Variants in ALDH1A2 observed in about 807,000 individuals in gnomAD.
ALDH1A2 encodes retinal dehydrogenase 2.
In ALDH1A2, 27 loss-of-function variants were observed where a neutral mutation model predicts 60.3. That is an observed-to-expected ratio of 0.45 (90% CI 0.33 to 0.62). ALDH1A2 has a LOEUF of 0.62. Ranked by LOEUF, ALDH1A2 falls within the 20% of genes least tolerant of loss-of-function variation. The pLI is 0.02. For synonymous variants in ALDH1A2, 289 were observed against 232.4 expected, an observed-to-expected ratio of 1.24 and a Z score of -2.21; for missense variants, 581 against 643.8, an observed-to-expected ratio of 0.90 and a Z score of 1.06.
At position 58,015,445 on chromosome 15, in the gene ALDH1A2, C is replaced by G. The variant is rs1304838487; in HGVS notation, c.118-1164G>C. 3.3e-5 allele frequency among the ~76,000 whole-genome samples: 5 copies of G among 152,086 alleles called. No individual in the cohort carries two copies. In the East Asian group the frequency reaches 7.7e-4, roughly 23 times the overall value. On this transcript the variant is annotated intron_variant, in intron 1 of 12. Coordinates refer to ENST00000249750, the MANE Select transcript of ALDH1A2 (RefSeq NM_003888.4). ...AGGATTTTTAAGATAAAGGAAAATA[C>G]CTTAAATTTGTAGAGCACTTAACAC...
intron 4 of ALDH1A2, among the ~76,000 whole-genome samples, chr15:57,995,930 G>A (rs1895046614): frequency 2.0e-5 from 3 of 152,028 alleles, no homozygotes; most frequent in Admixed American, 1.3e-4. Context: ...TATTTTAAAT[G>A]GTTAATTAAA....
At chr15:58,015,011 T>C (rs1895750187) in intron 1 of ALDH1A2, among the ~76,000 whole-genome samples, 1 of 152,188 alleles carries the variant, frequency 6.6e-6, no homozygotes, top group African/African-American at 2.4e-5. Context: ...AGTCAATTTC[T>C]CACAAGATTT....
At chr15:57,977,226 C>G (rs1280443663) in intron 7 of ALDH1A2, among the ~76,000 whole-genome samples, 3 of 151,910 alleles carry the variant, frequency 2.0e-5, no homozygotes, top group Non-Finnish European at 2.9e-5. Flanking sequence ...ATGATAGTTT[C>G]TTTTGCTGTG....
At position 57,992,794 on chromosome 15, in the gene ALDH1A2, T is replaced by G; in HGVS notation, c.709A>C (p.Asn237His). The change falls in exon 7 of 13, where the codon AAT (asparagine) becomes CAT (histidine). Residue 237 changes from asparagine to histidine, a missense_variant. Asn to His is a moderately conservative substitution (Grantham distance 68). Transcript: ENST00000249750. The part of the protein sequence containing the change: ...KEAGFPPGVI[N>H]ILPGYGPTAG... Reference sequence around the variant, plus strand: ...GTTGGCCCATATCCTGGCAAAATATTGATGACCCCGGGAGGAAAGCCAGCC... The same window carrying G: ...GTTGGCCCATATCCTGGCAAAATATGGATGACCCCGGGAGGAAAGCCAGCC... 1 of 1,614,052 alleles carries G rather than the reference T, an allele frequency of 6.2e-7. No individual in the cohort carries two copies. The highest frequency in any genetic ancestry group is 8.5e-7 in the Non-Finnish European group (1 of 1,179,974).
At chr15:58,024,193 C>CA (rs1896010401) in intron 1 of ALDH1A2, among the ~76,000 whole-genome samples, 1 of 151,604 alleles carries the variant, frequency 6.6e-6, no homozygotes, top group African/African-American at 2.4e-5. Context: ...CAAATGGTAC[C>CA]ACTACAGGAA....
At chr15:58,063,757 A>C (rs1897101184) in intron 1 of ALDH1A2, among the ~76,000 whole-genome samples, 1 of 152,174 alleles carries the variant, frequency 6.6e-6, no homozygotes, top group Admixed American at 6.5e-5. Context: ...TCCTCCCCAC[A>C]AATTAAAGAA....
rs1384280977 is a variant in ALDH1A2, at chr15:57,953,765, A to G, written c.*1432T>C. ...AAGATCGTTAAATACAGAAGGCTAT[A>G]TATATGTTGCCCATATTCCACATAC... On this transcript the variant is annotated 3_prime_UTR_variant, in exon 13 of 13. Transcript: ENST00000249750. 6.6e-6 allele frequency: 1 copy of G among 152,386 alleles called. No homozygotes were observed. Among genetic ancestry groups the G allele is most frequent in the Non-Finnish European group, 1.5e-5 (1 of 68,046 alleles). The allele number at this position is 152,386 out of a possible 1,614,324, so 9.4% of individuals were successfully genotyped here.
intron 7 of ALDH1A2, among the ~76,000 whole-genome samples, chr15:57,989,795 C>T (rs565025227): frequency 1.3e-5 from 2 of 152,188 alleles, no homozygotes; most frequent in Middle Eastern, 3.4e-3. Flanking sequence ...CAACCCTCAC[C>T]TTTCATTATA....
chr15:57,959,803 T>C (rs542466529), intron 12 of ALDH1A2, among the ~76,000 whole-genome samples: 1 of 152,328 alleles, frequency 6.6e-6, no homozygotes, highest in African/African-American at 2.4e-5. Context: ...ACCTACTTTA[T>C]AGTTTTGCTT....
chr15:58,027,613 G>C (rs753959513), intron 1 of ALDH1A2, among the ~76,000 whole-genome samples: 42 of 152,236 alleles, frequency 2.8e-4, no homozygotes, highest in Middle Eastern at 3.4e-3. Flanking sequence ...AGCTAAAGGA[G>C]CATGTTCTAA....
intron 1 of ALDH1A2, among the ~76,000 whole-genome samples, chr15:58,033,548 C>G (rs1294252641): frequency 1.3e-5 from 2 of 151,796 alleles, no homozygotes; most frequent in African/African-American, 4.8e-5. Context: ...AATGACCTTA[C>G]AACACTAAAT....
In ALDH1A2 at chr15:58,033,764, C is replaced by T. The variant is rs114945696; in HGVS notation, c.118-19483G>A. On this transcript the variant is annotated intron_variant, in intron 1 of 12. Coordinates refer to ENST00000249750, the MANE Select transcript of ALDH1A2 (RefSeq NM_003888.4). ...AAGACAATCCTTTCTCCACTATGTG[C>T]TTTTGCTCCTTTATCAGGGATCAGT... Among the ~76,000 whole-genome samples, 723 of 148,106 alleles carry T rather than the reference C, an allele frequency of 4.9e-3. 6 individuals are homozygous for T. The highest frequency in any genetic ancestry group is 0.017 in the African/African-American group (678 of 40,340).
chr15:58,022,165 G>A (rs1476588960), intron 1 of ALDH1A2, among the ~76,000 whole-genome samples: 17 of 152,038 alleles, frequency 1.1e-4, no homozygotes, highest in African/African-American at 4.1e-4. Context: ...CCACTGTGGG[G>A]GCTGAACAAA....
rs1458032823 is a variant in ALDH1A2, at chr15:57,955,098, G to C, written c.*99C>G. The C allele has an allele frequency of 1.6e-6, 2 of 1,252,350 alleles. No individual in the cohort carries two copies. The highest frequency in any genetic ancestry group is 2.4e-5 in the South Asian group (2 of 83,722). 77.6% of individuals were successfully genotyped at this position (1,252,350 alleles called of 1,614,324 possible). On this transcript the variant is annotated 3_prime_UTR_variant, in exon 13 of 13. Transcript: ENST00000249750. ...GTTATCTTTTCAATCTTTAAGTAAG[G>C]ACCGTGGCTCAACTTTGTATTCCTG...
chr15:58,045,455 T>C (rs1896614923), intron 1 of ALDH1A2, among the ~76,000 whole-genome samples: 2 of 152,120 alleles, frequency 1.3e-5, no homozygotes, highest in African/African-American at 4.8e-5. Flanking sequence ...GTATGTTTAT[T>C]GCGGCACTAT....
chr15:58,052,559 G>A (rs1319741618), intron 1 of ALDH1A2, among the ~76,000 whole-genome samples: 1 of 151,972 alleles, frequency 6.6e-6, no homozygotes. Flanking sequence ...TCTGCTTCCT[G>A]TTACCAGGAA....
At chr15:58,011,458 TG>T (rs1253108062) in intron 3 of ALDH1A2, among the ~76,000 whole-genome samples, 1 of 152,190 alleles carries the variant, frequency 6.6e-6, no homozygotes, top group Admixed American at 6.6e-5. Flanking sequence ...GTTCCTGAAC[TG>T]GCTAAGTCCG....
chr15:57,958,214 G>GCGCACA lies in ALDH1A2; in HGVS notation c.1484+2555_1484+2556insTGTGCG, dbSNP rs67551670. ...TCTGTATGCATGCGTGTACACGCAC[G>GCGCACA]CACACACACACATAAATTTGACAAG... On this transcript the variant is annotated intron_variant, in intron 12 of 12. Transcript: ENST00000249750. Among the ~76,000 whole-genome samples, 69 of 151,818 alleles carry GCGCACA rather than the reference G, an allele frequency of 4.5e-4. 1 individual carries two copies. The highest frequency in any genetic ancestry group is 1.4e-3 in the African/African-American group (57 of 41,438).
At chr15:58,036,265 T>C (rs993343741) in intron 1 of ALDH1A2, among the ~76,000 whole-genome samples, 10 of 151,434 alleles carry the variant, frequency 6.6e-5, no homozygotes, top group East Asian at 1.9e-4. Context: ...TATCAACAAA[T>C]CACTGGAAAA....
Sources: allele counts gnomAD v4.1 joint callset (sites outside exome capture counted in the v4.1 genomes callset), GRCh38; gene constraint gnomAD v4.1.1; transcripts MANE v1.5; gene names NCBI Gene and HGNC (gene_info 2026-07-23, HGNC 2026-07-21).